Variants in PCDH7 observed in about 807,000 individuals in gnomAD.
PCDH7 encodes the protein protocadherin-7.
PCDH7 carries 17 observed loss-of-function variants against 58.9 expected under a neutral mutation model. The ratio of observed to expected loss-of-function variants is 0.29; its 90% CI spans 0.20 to 0.43. The LOEUF is 0.43. Among genes scored for constraint, PCDH7 ranks in the 20% least tolerant of loss-of-function variants. The pLI, the probability that PCDH7 is intolerant of heterozygous loss-of-function variation, is 1.00. For missense variants in PCDH7, 1,274 were observed against 1,441.0 expected, an observed-to-expected ratio of 0.88 and a Z score of 1.88; for synonymous variants, 664 against 616.4, an observed-to-expected ratio of 1.08 and a Z score of -1.14.
At chr4:30,772,440 G>A (rs1279758667) in intron 1 of PCDH7, among the ~76,000 whole-genome samples, 1 of 152,010 alleles carries the variant, frequency 6.6e-6, no homozygotes, top group Non-Finnish European at 1.5e-5. Flanking sequence ...TTCTTTTCTA[G>A]AGGTAAAGCA....
chr4:30,723,746 T>A lies in PCDH7; in HGVS notation c.2324T>A (p.Ile775Asn). ...TTGGCAACAGACAGTGATGATGGCA[T>A]CAATGCAGACCTGAACTACAGCATT... Residue 775 changes from isoleucine to asparagine, a missense_variant, in exon 1 of 2, where the codon ATC becomes AAC. Transcript: ENST00000361762. The surrounding 1 kb of genome is among the most constrained non-coding windows in gnomAD (Gnocchi z 4.6). 1 of 1,614,178 alleles carries A rather than the reference T, an allele frequency of 6.2e-7. No individual in the cohort carries two copies. Among genetic ancestry groups the A allele is most frequent in the Non-Finnish European group, 8.5e-7 (1 of 1,180,028 alleles).
chr4:30,771,960 T>C (rs994547908), intron 1 of PCDH7, among the ~76,000 whole-genome samples: 2 of 150,522 alleles, frequency 1.3e-5, no homozygotes, highest in African/African-American at 4.9e-5. Context: ...AACCTTCGCC[T>C]CCAGGGTTCA....
At chr4:30,962,776 T>TAAAAAAAA (rs57257786) in intron 3 of PCDH7, among the ~76,000 whole-genome samples, 3 of 70,628 alleles carry the variant, frequency 4.2e-5, no homozygotes, top group African/African-American at 1.6e-4. Context: ...GACCCAGTCT[T>TAAAAAAAA]AAAAAAAAAA....
intron 1 of PCDH7, among the ~76,000 whole-genome samples, chr4:30,749,205 A>G (rs1718170045): frequency 6.6e-6 from 1 of 152,238 alleles, no homozygotes; most frequent in Admixed American, 6.5e-5. Context: ...TATGAAGAAA[A>G]GGTGTGGTTT....
At chr4:30,882,929 CT>C (rs1737182868) in intron 1 of PCDH7, among the ~76,000 whole-genome samples, 2 of 152,198 alleles carry the variant, frequency 1.3e-5, no homozygotes, top group African/African-American at 4.8e-5. Flanking sequence ...TCACTTGAGA[CT>C]CTTATTGACC....
intron 3 of PCDH7, among the ~76,000 whole-genome samples, chr4:31,082,398 T>G (rs1195449566): frequency 6.6e-6 from 1 of 152,218 alleles, no homozygotes; most frequent in Non-Finnish European, 1.5e-5. Context: ...GTGAATTTTA[T>G]TCTGAAATAT....
chr4:30,792,145 G>C (rs1412151291), intron 1 of PCDH7, among the ~76,000 whole-genome samples: 1 of 152,196 alleles, frequency 6.6e-6, no homozygotes, highest in Non-Finnish European at 1.5e-5. Flanking sequence ...TATCTGAAAA[G>C]TCAGTGGCTT....
At chr4:31,141,049 T>C (rs977347385) in intron 3 of PCDH7, among the ~76,000 whole-genome samples, 2 of 152,228 alleles carry the variant, frequency 1.3e-5, no homozygotes, top group East Asian at 1.9e-4. Flanking sequence ...TTACCCATCA[T>C]TGAAGGAAAA....
chr4:31,111,212 G>A (rs1560234383), intron 3 of PCDH7, among the ~76,000 whole-genome samples: 3 of 146,868 alleles, frequency 2.0e-5, no homozygotes, highest in East Asian at 2.0e-4. Context: ...AGCCCAAAGT[G>A]TATTTTGTAA....
intron 2 of PCDH7, among the ~76,000 whole-genome samples, chr4:30,935,024 G>A (rs1001060195): frequency 1.2e-4 from 18 of 152,022 alleles, no homozygotes; most frequent in African/African-American, 4.1e-4. Context: ...ATTAATAAAA[G>A]ATGCTAAAGT....
intron 1 of PCDH7, among the ~76,000 whole-genome samples, chr4:30,884,019 G>A (rs1737348342): frequency 6.6e-6 from 1 of 152,096 alleles, no homozygotes; most frequent in Non-Finnish European, 1.5e-5. Flanking sequence ...GAGGCAAGAG[G>A]AAAAGTACTT....
At position 30,721,545 on chromosome 4, in the gene PCDH7, G is replaced by A; in HGVS notation, c.123G>A (p.Glu41=). Reference sequence around the variant, plus strand: ...TCCTCCGGTACCGGCTGGCCGAGGAGGGCCCCGCCGACGTCCGCATCGGCA... The same window carrying A: ...TCCTCCGGTACCGGCTGGCCGAGGAAGGCCCCGCCGACGTCCGCATCGGCA... Residue 41 remains glutamate, a synonymous_variant, in exon 1 of 2, where the codon GAG becomes GAA. Transcript: ENST00000361762. The surrounding 1 kb of genome is among the most constrained non-coding windows in gnomAD (Gnocchi z 6.7). 1 of 1,602,376 alleles carries A rather than the reference G, an allele frequency of 6.2e-7. No individual in the cohort carries two copies. Among genetic ancestry groups the A allele is most frequent in the Non-Finnish European group, 8.5e-7 (1 of 1,179,690 alleles).
At chr4:31,142,076 T>A (rs1720324452) in intron 3 of PCDH7, among the ~76,000 whole-genome samples, 1 of 152,168 alleles carries the variant, frequency 6.6e-6, no homozygotes, top group Admixed American at 6.6e-5. Flanking sequence ...AATTTATAAA[T>A]CCAGAAAATT....
At chr4:31,130,462 G>A (rs1311991392) in intron 3 of PCDH7, among the ~76,000 whole-genome samples, 1 of 152,108 alleles carries the variant, frequency 6.6e-6, no homozygotes, top group Admixed American at 6.5e-5. Context: ...ATGAAATATA[G>A]GTACAAAGCA....
intron 3 of PCDH7, among the ~76,000 whole-genome samples, chr4:31,066,507 T>C (rs1308847406): frequency 6.6e-6 from 1 of 151,916 alleles, no homozygotes; most frequent in Non-Finnish European, 1.5e-5. Flanking sequence ...GGAATTTAGT[T>C]TGGGTGTTAT....
chr4:30,898,535 A>T (rs1247011567), intron 1 of PCDH7, among the ~76,000 whole-genome samples: 1 of 152,198 alleles, frequency 6.6e-6, no homozygotes, highest in Non-Finnish European at 1.5e-5. Flanking sequence ...TAAAAGGCAC[A>T]TTCCTGATTC....
At chr4:31,028,259 C>A (rs1388652648) in intron 3 of PCDH7, among the ~76,000 whole-genome samples, 1 of 151,804 alleles carries the variant, frequency 6.6e-6, no homozygotes, top group African/African-American at 2.4e-5. Flanking sequence ...TAAGAATGTT[C>A]TTTTATTTAA....
chr4:30,791,347 T>A (rs1216354257), intron 1 of PCDH7, among the ~76,000 whole-genome samples: 1 of 152,226 alleles, frequency 6.6e-6, no homozygotes, highest in African/African-American at 2.4e-5. Flanking sequence ...TTTCTTCATA[T>A]TTTATATGTT....
intron 1 of PCDH7, among the ~76,000 whole-genome samples, chr4:30,839,750 G>A (rs1418504787): frequency 6.6e-6 from 1 of 152,084 alleles, no homozygotes; most frequent in Non-Finnish European, 1.5e-5. Context: ...TGTACTAAAA[G>A]CCATCTGCTA....
Sources: gnomAD v4.1 joint callset for allele counts (sites outside exome capture counted in the v4.1 genomes callset) on GRCh38, gnomAD v4.1.1 for gene constraint, Gnocchi (gnomAD v3.1) non-coding constraint, MANE v1.5 for transcripts, NCBI Gene and HGNC (gene_info 2026-07-23, HGNC 2026-07-21) for gene names.